ST6GALNAC3: variants seen among roughly 807,000 people sequenced by gnomAD.
ST6GALNAC3 encodes the protein ST6 N-acetylgalactosaminide alpha-2,6-sialyltransferase 3.
A neutral mutation model predicts 32.7 loss-of-function variants in ST6GALNAC3; 25 were observed. The ratio of observed to expected loss-of-function variants is 0.76; its 90% CI spans 0.56 to 1.07. The LOEUF (loss-of-function observed/expected upper bound fraction) is 1.07. ST6GALNAC3 is among the 50% of genes least tolerant of loss of function. The probability of loss-of-function intolerance (pLI) is 0.00; values close to 1 mark genes in which losing one functional copy is unlikely to be tolerated. For missense variants in ST6GALNAC3, 355 were observed against 382.4 expected, an observed-to-expected ratio of 0.93 and a Z score of 0.60; for synonymous variants, 129 against 133.1, an observed-to-expected ratio of 0.97 and a Z score of 0.21.
At chr1:76,524,717 T>C in intron 3 of ST6GALNAC3, among the ~76,000 whole-genome samples, 1 of 121,860 alleles carries the variant, frequency 8.2e-6, no homozygotes. Context: ...TATTTCAGTT[T>C]TTTTTTTTTT....
intron 2 of ST6GALNAC3, among the ~76,000 whole-genome samples, chr1:76,396,915 A>T (rs962388556): frequency 1.3e-5 from 2 of 152,196 alleles, no homozygotes; most frequent in African/African-American, 4.8e-5. Context: ...GTGTACTAAA[A>T]GGGTAGTAAT....
At chr1:76,508,214 T>G (rs1661598834) in intron 3 of ST6GALNAC3, among the ~76,000 whole-genome samples, 1 of 152,122 alleles carries the variant, frequency 6.6e-6, no homozygotes, top group Non-Finnish European at 1.5e-5. Context: ...GTGCACAACC[T>G]AGATCCGTCG....
intron 1 of ST6GALNAC3, among the ~76,000 whole-genome samples, chr1:76,286,593 C>T (rs914513804): frequency 1.3e-5 from 2 of 152,238 alleles, no homozygotes; most frequent in Non-Finnish European, 2.9e-5. Flanking sequence ...CTGCCCTTGA[C>T]CTTGGGCAAC....
At chr1:76,108,702 T>C (rs949358185) in intron 1 of ST6GALNAC3, among the ~76,000 whole-genome samples, 1 of 152,202 alleles carries the variant, frequency 6.6e-6, no homozygotes, top group African/African-American at 2.4e-5. Flanking sequence ...AACTATTTTA[T>C]GGGAAATTTA....
At chr1:76,614,127 T>A (rs1196370948) in intron 3 of ST6GALNAC3, among the ~76,000 whole-genome samples, 2 of 152,264 alleles carry the variant, frequency 1.3e-5, no homozygotes, top group Non-Finnish European at 2.9e-5. Flanking sequence ...GTGTCTACTA[T>A]GTGCCAGACA....
chr1:76,210,594 T>C (rs74825733), intron 1 of ST6GALNAC3, among the ~76,000 whole-genome samples: 1 of 152,338 alleles, frequency 6.6e-6, no homozygotes, highest in East Asian at 1.9e-4. Flanking sequence ...AATATATTTC[T>C]TACAGTTCTG....
Position 76,409,887 on chromosome 1 carries a change from A to G in ST6GALNAC3, c.214-2121A>G, listed in dbSNP as rs1193590115. Among the ~76,000 whole-genome samples the G allele has an allele frequency of 7.9e-5, 12 of 152,086 alleles. No individual in the cohort carries two copies. The East Asian group carries it at 2.3e-3, about 29-fold the overall frequency. ...CATATTACTTTACTAATTAGGGGGA[A>G]AAAGTTTTTAAAGCAGTTTGAGTAG... On this transcript the variant is annotated intron_variant, in intron 2 of 4. Coordinates refer to ENST00000328299, the MANE Select transcript of ST6GALNAC3 (RefSeq NM_152996.4).
intron 2 of ST6GALNAC3, among the ~76,000 whole-genome samples, chr1:76,331,484 T>C (rs895502760): frequency 1.3e-5 from 2 of 152,216 alleles, no homozygotes; most frequent in Non-Finnish European, 2.9e-5. Context: ...CCTGCTTAAA[T>C]GCTACTTTAT....
rs140357874 is a variant in ST6GALNAC3, at chr1:76,285,385, G to GGTGTGTGT, written c.19-28401_19-28394dup. 8.9e-3 allele frequency among the ~76,000 whole-genome samples: 1,325 copies of GGTGTGTGT among 148,456 alleles called. 11 individuals carry two copies. Among genetic ancestry groups the GGTGTGTGT allele is most frequent in the East Asian group, 0.013 (65 of 4,976 alleles). On this transcript the variant is annotated intron_variant, in intron 1 of 4. Transcript: ENST00000328299. The stretch of plus-strand genomic sequence containing the variant: ...AGGCCAGGCCCCTGGTCGGGAGGAT[G>GGTGTGTGT]GTGTGTGTGTGTGTGTGTGTGTGTG...
chr1:76,453,038 C>A (rs1571276166), intron 3 of ST6GALNAC3, among the ~76,000 whole-genome samples: 1 of 152,148 alleles, frequency 6.6e-6, no homozygotes, highest in Non-Finnish European at 1.5e-5. Context: ...ATTTATCCAT[C>A]TCCTCTAGGT....
chr1:76,425,712 C>T (rs1280420617), intron 3 of ST6GALNAC3, among the ~76,000 whole-genome samples: 1 of 151,878 alleles, frequency 6.6e-6, no homozygotes, highest in Non-Finnish European at 1.5e-5. Context: ...AGAAACCTTG[C>T]CGAGAGAGAC....
At chr1:76,370,573 G>A (rs1012042614) in intron 2 of ST6GALNAC3, among the ~76,000 whole-genome samples, 3 of 151,996 alleles carry the variant, frequency 2.0e-5, no homozygotes, top group Non-Finnish European at 2.9e-5. Flanking sequence ...TGACTTGTTC[G>A]GGGTACCTGA....
chr1:76,345,624 A>G (rs969804188), intron 2 of ST6GALNAC3, among the ~76,000 whole-genome samples: 3 of 152,146 alleles, frequency 2.0e-5, no homozygotes, highest in Admixed American at 2.0e-4. Flanking sequence ...AGAGCTTTGC[A>G]TATGTTTTCT....
At chr1:76,595,109 A>G (rs1472639344) in intron 3 of ST6GALNAC3, among the ~76,000 whole-genome samples, 1 of 152,158 alleles carries the variant, frequency 6.6e-6, no homozygotes, top group Admixed American at 6.6e-5. Flanking sequence ...ACAGGTATAC[A>G]GTGTAAGAGC....
intron 1 of ST6GALNAC3, among the ~76,000 whole-genome samples, chr1:76,075,822 T>C (rs1435125079): frequency 6.6e-6 from 1 of 152,160 alleles, no homozygotes; most frequent in Non-Finnish European, 1.5e-5. Flanking sequence ...AGAGACCTAG[T>C]TGTCCAAGCC....
intron 1 of ST6GALNAC3, among the ~76,000 whole-genome samples, chr1:76,080,166 T>G (rs577106220): frequency 6.6e-6 from 1 of 152,316 alleles, no homozygotes; most frequent in South Asian, 2.1e-4. Context: ...GGTGGGGTGT[T>G]GACGGTTACT....
rs565904159 is a variant in ST6GALNAC3, at chr1:76,269,919, C to A, written c.19-43886C>A. Among the ~76,000 whole-genome samples the A allele has an allele frequency of 2.0e-4, 30 of 152,172 alleles. 2 individuals are homozygous for A. In the East Asian group the frequency reaches 5.2e-3, roughly 27 times the overall value. ...GCCGTAATGCATGTGTGCCTGGAACCCAGGGAGGCAGAGGTCCTCTTTTTC... is the reference window on the plus strand; with the variant it reads ...GCCGTAATGCATGTGTGCCTGGAACACAGGGAGGCAGAGGTCCTCTTTTTC... On this transcript the variant is annotated intron_variant, in intron 1 of 4. Transcript: ENST00000328299.
chr1:76,503,108 G>T (rs538871597), intron 3 of ST6GALNAC3, among the ~76,000 whole-genome samples: 1 of 152,234 alleles, frequency 6.6e-6, no homozygotes, highest in African/African-American at 2.4e-5. Context: ...CAAAATCAAT[G>T]AAGCCATGAA....
chr1:76,321,122 G>C (rs1262279424), intron 2 of ST6GALNAC3, among the ~76,000 whole-genome samples: 1 of 152,014 alleles, frequency 6.6e-6, no homozygotes, highest in Non-Finnish European at 1.5e-5. Context: ...CTAGTGATTG[G>C]TCAATCAAGT....
Sources: gnomAD v4.1 joint callset for allele counts (sites outside exome capture counted in the v4.1 genomes callset) on GRCh38, gnomAD v4.1.1 for gene constraint, MANE v1.5 for transcripts, NCBI Gene and HGNC (gene_info 2026-07-23, HGNC 2026-07-21) for gene names.